Variants in ENOX2 observed in about 807,000 individuals in gnomAD.
ENOX2 encodes ecto-NOX disulfide-thiol exchanger 2.
Under a neutral mutation model 45.0 loss-of-function variants are expected in ENOX2, and 36 were observed. The ratio of observed to expected loss-of-function variants is 0.80; its 90% confidence interval spans 0.61 to 1.06. The LOEUF is 1.06. ENOX2 is among the 50% of genes least tolerant of loss of function. ENOX2 has a pLI of 0.00. For missense variants in ENOX2, 423 were observed against 462.5 expected, an observed-to-expected ratio of 0.91 and a Z score of 0.78; for synonymous variants, 174 against 152.3, an observed-to-expected ratio of 1.14 and a Z score of -1.05.
intron 2 of ENOX2, among the ~76,000 whole-genome samples, chrX:130,894,470 A>C (rs1399951976): frequency 1.8e-5 from 2 of 109,555 alleles, no homozygotes; most frequent in African/African-American, 3.3e-5. Context: ...AAATATTCAG[A>C]AATGATGAAG....
intron 9 of ENOX2, among the ~76,000 whole-genome samples, chrX:130,661,193 CTTTTT>C (rs775328883): frequency 1.0e-5 from 1 of 96,005 alleles, no homozygotes; most frequent in Non-Finnish European, 2.1e-5. Context: ...GCCAGAGTTT[CTTTTT>C]TTTTTTTTTT....
chrX:130,879,035 G>A (rs2078759081), intron 2 of ENOX2, among the ~76,000 whole-genome samples: 1 of 111,724 alleles, frequency 9.0e-6, no homozygotes, highest in East Asian at 2.8e-4. Flanking sequence ...CACAAATTGA[G>A]GTGAATGCAG....
At chrX:130,661,842 A>T (rs2036698879) in intron 9 of ENOX2, among the ~76,000 whole-genome samples, 1 of 112,293 alleles carries the variant, frequency 8.9e-6, no homozygotes, top group Admixed American at 9.4e-5. Flanking sequence ...AATTCTATAA[A>T]GAAAGTTATT....
intron 3 of ENOX2, among the ~76,000 whole-genome samples, chrX:130,781,812 T>C (rs2039973349): frequency 9.0e-6 from 1 of 110,984 alleles, no homozygotes; most frequent in Non-Finnish European, 1.9e-5. Flanking sequence ...TTGTTCTTAA[T>C]TCAGTAGAAG....
chrX:130,832,713 T>A (rs1417043207), intron 2 of ENOX2, among the ~76,000 whole-genome samples: 1 of 110,785 alleles, frequency 9.0e-6, no homozygotes, highest in Non-Finnish European at 1.9e-5. Context: ...AGCCCTAGTA[T>A]TAAAAATACT....
At chrX:130,840,001 C>T (rs1360962629) in intron 2 of ENOX2, among the ~76,000 whole-genome samples, 1 of 111,341 alleles carries the variant, frequency 9.0e-6, no homozygotes, top group Non-Finnish European at 1.9e-5. Flanking sequence ...CTCTTTTTTA[C>T]AATCCTCTCA....
intron 2 of ENOX2, among the ~76,000 whole-genome samples, chrX:130,828,703 C>T (rs566460863): frequency 8.9e-6 from 1 of 111,869 alleles, no homozygotes; most frequent in South Asian, 3.7e-4. Context: ...ATAGGTGCTG[C>T]TCCCAAAGGA....
At chrX:130,886,726 C>T (rs1314495880) in intron 2 of ENOX2, among the ~76,000 whole-genome samples, 1 of 110,966 alleles carries the variant, frequency 9.0e-6, no homozygotes. Context: ...TGAAAAATAA[C>T]TAAATTTACC....
chrX:130,770,051 G>A (rs1330684971), intron 3 of ENOX2, among the ~76,000 whole-genome samples: 1 of 111,769 alleles, frequency 8.9e-6, no homozygotes, highest in African/African-American at 3.2e-5. Flanking sequence ...ATTCCAACGT[G>A]CCTAAGCTAT....
chrX:130,780,727 G>T (rs1236350359), intron 3 of ENOX2, among the ~76,000 whole-genome samples: 1 of 111,559 alleles, frequency 9.0e-6, no homozygotes, highest in Non-Finnish European at 1.9e-5. Context: ...AAGGAAAGAG[G>T]CAGTTTGTAG....
intron 3 of ENOX2, among the ~76,000 whole-genome samples, chrX:130,729,265 C>T (rs1040084849): frequency 8.9e-5 from 10 of 111,931 alleles, no homozygotes; most frequent in African/African-American, 3.2e-4. Context: ...AATTTTCAGA[C>T]ATCATAAAAT....
intron 2 of ENOX2, among the ~76,000 whole-genome samples, chrX:130,801,344 A>G (rs754915366): frequency 8.9e-5 from 10 of 111,931 alleles, no homozygotes; most frequent in Admixed American, 6.6e-4. Flanking sequence ...TGTATTTCCA[A>G]AAGGTTATAA....
chrX:130,670,848 T>C (rs1285256450), intron 6 of ENOX2, among the ~76,000 whole-genome samples: 1 of 110,578 alleles, frequency 9.0e-6, no homozygotes, highest in Non-Finnish European at 1.9e-5. Context: ...TCAGAAAACC[T>C]GATTCAACTC....
rs761665699 is a variant in ENOX2 at position 130,848,025 on chromosome X, GTTGTTTTTGTTT to G, written c.-183+53647_-183+53658del. On this transcript the variant is annotated intron_variant, in intron 2 of 14. Coordinates refer to ENST00000394363, the MANE Select transcript of ENOX2 (RefSeq NM_006375.4). ...TCCAAACCTCTAGGGTTTTTTTGTT[GTTGTTTTTGTTT>G]TTGTTTTTGTTTTGAGATGGAGTCT... 1.8e-3 allele frequency among the ~76,000 whole-genome samples: 201 copies of G among 111,712 alleles called. 1 individual carries two copies. The highest frequency in any genetic ancestry group is 6.0e-3 in the African/African-American group (186 of 30,780).
intron 10 of ENOX2, among the ~76,000 whole-genome samples, chrX:130,642,682 A>G (rs1445040516): frequency 8.9e-6 from 1 of 112,234 alleles, no homozygotes; most frequent in East Asian, 2.8e-4. Context: ...AGCAACCTCC[A>G]ACCTGATCAG....
chrX:130,686,466 C>T (rs981621590), intron 5 of ENOX2, among the ~76,000 whole-genome samples: 2 of 111,721 alleles, frequency 1.8e-5, no homozygotes, highest in Non-Finnish European at 3.8e-5. Flanking sequence ...GCTTCCTGTA[C>T]AGCCTGCAGA....
intron 2 of ENOX2, among the ~76,000 whole-genome samples, chrX:130,843,814 C>T (rs1459267678): frequency 8.9e-6 from 1 of 111,833 alleles, no homozygotes; most frequent in Non-Finnish European, 1.9e-5. Context: ...ATATATGCTC[C>T]GATAGCATCC....
intron 2 of ENOX2, among the ~76,000 whole-genome samples, chrX:130,790,002 A>G (rs1603350871): frequency 8.8e-6 from 1 of 113,003 alleles, no homozygotes; most frequent in Admixed American, 9.3e-5. Context: ...CTTCAGCCAC[A>G]GGGCTTAGCA....
chrX:130,680,346 T>C (rs1323403851), intron 5 of ENOX2, among the ~76,000 whole-genome samples: 1 of 111,681 alleles, frequency 9.0e-6, no homozygotes, highest in African/African-American at 3.3e-5. Flanking sequence ...TCAGTGAGCC[T>C]TTCCTCAAAT....
Sources: allele counts gnomAD v4.1 joint callset (sites outside exome capture counted in the v4.1 genomes callset), GRCh38; gene constraint gnomAD v4.1.1; transcripts MANE v1.5; gene names NCBI Gene and HGNC (gene_info 2026-07-23, HGNC 2026-07-21).